Variants in TENM4 observed in about 807,000 individuals in gnomAD.
The protein encoded by TENM4 is teneurin-4.
Under a neutral mutation model 243.3 loss-of-function variants are expected in TENM4, and 82 were observed. The observed-to-expected ratio is 0.34, with a 90% CI of 0.28 to 0.40. TENM4 has a LOEUF of 0.40. Ranked by LOEUF, TENM4 falls within the 10% of genes least tolerant of loss-of-function variation. TENM4 has a pLI of 1.00. For synonymous variants in TENM4, 1,412 were observed against 1,456.3 expected, an observed-to-expected ratio of 0.97 and a Z score of 0.69; for missense variants, 3,138 against 3,673.3, an observed-to-expected ratio of 0.85 and a Z score of 3.77.
At chr11:79,117,857 C>A (rs1335644703) in intron 4 of TENM4, among the ~76,000 whole-genome samples, 2 of 152,200 alleles carry the variant, frequency 1.3e-5, no homozygotes, top group African/African-American at 4.8e-5. Flanking sequence ...GGAATAACTC[C>A]TAATTAGCCA....
intron 18 of TENM4, among the ~76,000 whole-genome samples, chr11:78,768,814 TC>T (rs1179686035): frequency 2.0e-5 from 3 of 152,040 alleles, no homozygotes; most frequent in Non-Finnish European, 4.4e-5. Flanking sequence ...AACCTCTCTC[TC>T]CCCCCGAGCT....
intron 2 of TENM4, among the ~76,000 whole-genome samples, chr11:79,259,501 GCATCCATC>G (rs148800752): frequency 1.0e-4 from 15 of 148,234 alleles, no homozygotes; most frequent in African/African-American, 2.7e-4. Flanking sequence ...ATCTATCCAT[GCATCCATC>G]CATCCATCCA....
chr11:78,968,851 C>T (rs895483673), intron 6 of TENM4, among the ~76,000 whole-genome samples: 2 of 152,136 alleles, frequency 1.3e-5, no homozygotes, highest in Admixed American at 6.5e-5. Flanking sequence ...TTGGATTTTC[C>T]ACCAGGCATA....
chr11:79,135,726 T>C (rs923452957), intron 4 of TENM4, among the ~76,000 whole-genome samples: 1 of 88,404 alleles, frequency 1.1e-5, no homozygotes, highest in Non-Finnish European at 2.6e-5. Flanking sequence ...TGATCATACA[T>C]ATATGATATA....
At chr11:79,428,778 T>C (rs1381791392) in intron 1 of TENM4, among the ~76,000 whole-genome samples, 5 of 152,336 alleles carry the variant, frequency 3.3e-5, no homozygotes, top group East Asian at 3.9e-4. Flanking sequence ...TGCAGTCCCA[T>C]GGCTCAAACA....
chr11:79,429,687 T>G lies in TENM4; in HGVS notation c.-321+10822A>C, dbSNP rs1859126687. Among the ~76,000 whole-genome samples, 6 of 152,326 alleles carry G rather than the reference T, an allele frequency of 3.9e-5. No individual in the cohort carries two copies. In the South Asian group the frequency reaches 1.2e-3, roughly 32 times the overall value. ...ATTTTTTCACTGTCTTATATGGCCT[T>G]AGTCTTATATGGACTTAACTGCAAT... is the stretch of plus-strand genomic sequence containing the variant. On this transcript the variant is annotated intron_variant, in intron 1 of 33. Coordinates refer to ENST00000278550, the MANE Select transcript of TENM4 (RefSeq NM_001098816.3).
chr11:79,204,600 C>CA (rs1278792006), intron 3 of TENM4, among the ~76,000 whole-genome samples: 1 of 152,040 alleles, frequency 6.6e-6, no homozygotes, highest in African/African-American at 2.4e-5. Context: ...ACCACAATGG[C>CA]AAAAATGCAG....
At chr11:79,406,945 A>G (rs1466363877) in intron 1 of TENM4, among the ~76,000 whole-genome samples, 2 of 152,186 alleles carry the variant, frequency 1.3e-5, no homozygotes, top group Non-Finnish European at 2.9e-5. Context: ...TCATCAAGTA[A>G]TTATTGACAA....
At chr11:78,966,143 A>T (rs1338359140) in intron 6 of TENM4, among the ~76,000 whole-genome samples, 1 of 151,412 alleles carries the variant, frequency 6.6e-6, no homozygotes, top group Non-Finnish European at 1.5e-5. Flanking sequence ...ACTTTGGGTA[A>T]ATTACTTTGC....
chr11:78,732,490 C>G lies in TENM4; in HGVS notation c.2964G>C (p.Leu988=). The G allele has an allele frequency of 6.2e-7, 1 of 1,613,678 alleles. No homozygotes were observed. Among genetic ancestry groups the G allele is most frequent in the South Asian group, 1.1e-5 (1 of 91,000 alleles). The change falls in exon 21 of 34, where the codon CTG becomes CTC. Residue 988 remains leucine (L), a synonymous_variant. Transcript: ENST00000278550. ...CCATGACAAAGAAGCGATCCCATGG[C>G]AGCCACAGGGTGTGCTCCTGTGTGA... The part of the protein sequence containing the change: ...PFITQEHTLW[L]PWDRFFVMET...
At chr11:78,658,956 G>C (rs1274703661) in intron 33 of TENM4, 140 bp from the exon 34 acceptor site, 2 of 961,410 alleles carry the variant, frequency 2.1e-6, no homozygotes, top group African/African-American at 1.6e-5. Flanking sequence ...CTGACCACCA[G>C]AACATCCAGG....
At chr11:79,209,558 G>C (rs1368122274) in intron 3 of TENM4, among the ~76,000 whole-genome samples, 1 of 152,242 alleles carries the variant, frequency 6.6e-6, no homozygotes, top group African/African-American at 2.4e-5. Context: ...AACACTGGGT[G>C]CTGGAAGACA....
At chr11:79,266,076 G>T (rs995237719) in intron 2 of TENM4, among the ~76,000 whole-genome samples, 4 of 152,186 alleles carry the variant, frequency 2.6e-5, no homozygotes, top group Non-Finnish European at 5.9e-5. Flanking sequence ...TCTTACTGCT[G>T]TTGTAACACT....
chr11:78,887,182 C>G (rs1303173785), intron 9 of TENM4, among the ~76,000 whole-genome samples: 3 of 152,230 alleles, frequency 2.0e-5, no homozygotes, highest in African/African-American at 4.8e-5. Context: ...GCACCCCACA[C>G]TCCTCAAATG....
intron 12 of TENM4, among the ~76,000 whole-genome samples, chr11:78,850,746 T>G (rs960225044): frequency 6.6e-6 from 1 of 152,184 alleles, no homozygotes; most frequent in Non-Finnish European, 1.5e-5. Flanking sequence ...ATTTATTGAG[T>G]GCTTGTGGTA....
chr11:79,402,065 A>C (rs1858473635), intron 1 of TENM4: 1 of 455,226 alleles, frequency 2.2e-6, no homozygotes, highest in African/African-American at 2.0e-5. Context: ...GTTCATGTGC[A>C]AGTCATTTAC....
chr11:79,430,172 C>CA (rs1239005741), intron 1 of TENM4, among the ~76,000 whole-genome samples: 1 of 129,450 alleles, frequency 7.7e-6, no homozygotes, highest in East Asian at 2.3e-4. Flanking sequence ...ATGTTTGTTT[C>CA]AATCATTCAA....
intron 1 of TENM4, among the ~76,000 whole-genome samples, chr11:79,319,889 A>G (rs1000808899): frequency 6.6e-6 from 1 of 152,122 alleles, no homozygotes; most frequent in Admixed American, 6.5e-5. Flanking sequence ...CTTAGTCCAC[A>G]CTAGGTGACC....
intron 20 of TENM4, among the ~76,000 whole-genome samples, chr11:78,736,592 A>C (rs1855803265): frequency 6.6e-6 from 1 of 152,120 alleles, no homozygotes; most frequent in Non-Finnish European, 1.5e-5. Context: ...ACTTGTGCAC[A>C]CTGTTATTTC....
Sources: gnomAD v4.1 joint callset for allele counts (sites outside exome capture counted in the v4.1 genomes callset) on GRCh38, gnomAD v4.1.1 for gene constraint, MANE v1.5 for transcripts, NCBI Gene and HGNC (gene_info 2026-07-23, HGNC 2026-07-21) for gene names.